The following ODAD2 variants were observed in gnomAD, a reference collection of about 807,000 sequenced individuals.
The protein encoded by ODAD2 is outer dynein arm-docking complex subunit 2.
In ODAD2, 89 loss-of-function variants were observed where a neutral mutation model predicts 106.8. The ratio of observed to expected loss-of-function variants is 0.83; its 90% CI spans 0.70 to 0.99. The LOEUF (loss-of-function observed/expected upper bound fraction) is 0.99. ODAD2 is among the 50% of genes least tolerant of loss of function. The probability of loss-of-function intolerance (pLI) is 0.00; values close to 1 mark genes in which losing one functional copy is unlikely to be tolerated. For missense variants in ODAD2, 1,168 were observed against 1,238.5 expected (o/e 0.94, Z 0.85); for synonymous variants, 404 against 436.2 (o/e 0.93, Z 0.92).
At chr10:27,995,610 A>C (rs952940199) in intron 1 of ODAD2, 8 of 158,468 alleles carry the variant, frequency 5.0e-5, no homozygotes, top group Non-Finnish European at 1.1e-4. Context: ...GTTTAGAATT[A>C]CACTATTAAA....
At position 27,936,838 on chromosome 10, in the gene ODAD2, C is replaced by G; in HGVS notation, c.2140G>C (p.Gly714Arg). The G allele has an allele frequency of 1.2e-6, 2 of 1,613,682 alleles. No homozygotes were observed. The change falls in exon 15 of 20, where the codon GGA (glycine) becomes CGA (arginine). Residue 714 changes from glycine to arginine, a missense_variant. Gly to Arg is a moderately radical substitution (Grantham distance 125). This residue lies in a region of ODAD2 where 701 missense variants were observed against 712.3 expected (regional missense o/e 0.98). Transcript: ENST00000305242. ...KETRDLVRLH[G>R]GLKPLASLLN... ...AGACTGGCCAAGGGCTTAAGTCCTC[C>G]GTGCAGCCTAACGAGGTCCCGGGTT...
At chr10:27,979,231 C>CA (rs1313032503) in intron 7 of ODAD2, among the ~76,000 whole-genome samples, 1,950 of 41,224 alleles carry the variant, frequency 0.047, 104 homozygotes, top group African/African-American at 0.14. Flanking sequence ...GACTCCATCT[C>CA]AAAAAAAAAA....
At chr10:27,863,312 C>T (rs964443353) in intron 17 of ODAD2, among the ~76,000 whole-genome samples, 1 of 152,072 alleles carries the variant, frequency 6.6e-6, no homozygotes, top group African/African-American at 2.4e-5. Flanking sequence ...ACAAAAAGCA[C>T]AAAAATCCAA....
At chr10:27,931,731 A>G (rs1845631151) in intron 16 of ODAD2, among the ~76,000 whole-genome samples, 2 of 148,954 alleles carry the variant, frequency 1.3e-5, no homozygotes, top group Admixed American at 6.8e-5. Context: ...CAATGATAAC[A>G]TTTAGAAGGA....
At chr10:27,871,125 G>A (rs762281097) in intron 17 of ODAD2, among the ~76,000 whole-genome samples, 38 of 151,976 alleles carry the variant, frequency 2.5e-4, no homozygotes, top group Non-Finnish European at 4.6e-4. Context: ...GCATTTTTTC[G>A]TGTGTCTATT....
chr10:27,909,130 G>T (rs759616361), intron 16 of ODAD2, among the ~76,000 whole-genome samples: 1 of 151,962 alleles, frequency 6.6e-6, no homozygotes, highest in Non-Finnish European at 1.5e-5. Context: ...TATAACTAAC[G>T]CCAATCTCTG....
intron 19 of ODAD2, among the ~76,000 whole-genome samples, chr10:27,816,388 C>T (rs902195387): frequency 6.6e-6 from 1 of 152,124 alleles, no homozygotes; most frequent in Admixed American, 6.5e-5. Context: ...GGGGCTCATG[C>T]CTTGGGAGTT....
intron 9 of ODAD2, among the ~76,000 whole-genome samples, chr10:27,963,394 A>C (rs1297817838): frequency 6.6e-6 from 1 of 152,150 alleles, no homozygotes; most frequent in East Asian, 1.9e-4. Context: ...CAAGCAAGGA[A>C]ATGTCAGAGA....
At chr10:27,837,068 AT>A (rs1280543076) in intron 19 of ODAD2, among the ~76,000 whole-genome samples, 1 of 152,068 alleles carries the variant, frequency 6.6e-6, no homozygotes, top group East Asian at 1.9e-4. Context: ...CTGAAGACAA[AT>A]TCTGATGCAA....
chr10:27,820,500 A>G (rs1393916874), intron 19 of ODAD2, among the ~76,000 whole-genome samples: 2 of 152,074 alleles, frequency 1.3e-5, no homozygotes, highest in Non-Finnish European at 2.9e-5. Flanking sequence ...CAACCAGATA[A>G]GGGTTGCTGG....
chr10:27,867,941 T>G (rs1840567378), intron 17 of ODAD2, among the ~76,000 whole-genome samples: 1 of 149,298 alleles, frequency 6.7e-6, no homozygotes, highest in African/African-American at 2.5e-5. Flanking sequence ...AGAGCAAAAC[T>G]CTGTCTCAAA....
intron 10 of ODAD2, among the ~76,000 whole-genome samples, chr10:27,946,828 T>C (rs978530330): frequency 5.3e-5 from 8 of 152,118 alleles, no homozygotes; most frequent in Admixed American, 4.6e-4. Context: ...GAAACCGAAA[T>C]AGGATTGATT....
intron 8 of ODAD2, among the ~76,000 whole-genome samples, chr10:27,969,721 T>C (rs200681074): frequency 8.5e-5 from 13 of 152,294 alleles, no homozygotes; most frequent in South Asian, 4.1e-4. Flanking sequence ...AGAAGGTCCC[T>C]GTGTGATCAA....
intron 3 of ODAD2, among the ~76,000 whole-genome samples, chr10:27,986,718 C>A (rs1176050926): frequency 6.6e-6 from 1 of 152,208 alleles, no homozygotes; most frequent in Non-Finnish European, 1.5e-5. Context: ...GGTACTTCTA[C>A]TCATAAGAAA....
At chr10:27,982,453 A>G (rs757559849) in intron 6 of ODAD2, among the ~76,000 whole-genome samples, 8 of 152,204 alleles carry the variant, frequency 5.3e-5, no homozygotes, top group Non-Finnish European at 1.2e-4. Flanking sequence ...AGGTCAAAGA[A>G]AATCATTCCT....
At chr10:27,918,889 A>C (rs1844579117) in intron 16 of ODAD2, among the ~76,000 whole-genome samples, 1 of 150,952 alleles carries the variant, frequency 6.6e-6, no homozygotes, top group African/African-American at 2.4e-5. Context: ...TCAAAAATTA[A>C]TTATGTATCC....
chr10:27,929,646 T>C (rs1043421802), intron 16 of ODAD2, among the ~76,000 whole-genome samples: 1 of 152,188 alleles, frequency 6.6e-6, no homozygotes, highest in African/African-American at 2.4e-5. Context: ...TCACCAATCC[T>C]GTATGCTTAC....
rs77227360 is a variant in ODAD2 at position 27,826,369 on chromosome 10, G to A, written c.3022-13744C>T. ...CACATTATGATCTCTAATTTCCATC[G>A]GCTCTCCGTGTTGCCCGGTCATCCA... On this transcript the variant is annotated intron_variant, in intron 19 of 19. Coordinates refer to ENST00000305242, the MANE Select transcript of ODAD2 (RefSeq NM_018076.5). 7.7e-3 allele frequency among the ~76,000 whole-genome samples: 1,169 copies of A among 152,084 alleles called. 47 individuals carry two copies. The highest frequency in any genetic ancestry group is 0.06 in the Admixed American group (918 of 15,276).
At chr10:27,837,077 C>T (rs989308525) in intron 19 of ODAD2, among the ~76,000 whole-genome samples, 3 of 152,036 alleles carry the variant, frequency 2.0e-5, no homozygotes, top group African/African-American at 7.2e-5. Context: ...AATTCTGATG[C>T]AAGAAAGGTC....
Sources: allele counts gnomAD v4.1 joint callset (sites outside exome capture counted in the v4.1 genomes callset), GRCh38; gene constraint gnomAD v4.1.1; regional missense constraint gnomAD v4.1.1; transcripts MANE v1.5; gene names NCBI Gene and HGNC (gene_info 2026-07-23, HGNC 2026-07-21).